ZNF267: variants seen among roughly 807,000 people sequenced by gnomAD.
The protein encoded by ZNF267 is zinc finger protein 267.
Under a neutral mutation model 71.6 loss-of-function variants are expected in ZNF267, and 61 were observed. The observed-to-expected ratio is 0.85, with a 90% CI of 0.69 to 1.05. The LOEUF is 1.05. Among genes scored for constraint, ZNF267 ranks in the 50% least tolerant of loss-of-function variants. The probability of loss-of-function intolerance (pLI) is 0.00; values close to 1 mark genes in which losing one functional copy is unlikely to be tolerated. For missense variants in ZNF267, 852 were observed against 870.0 expected (o/e 0.98, Z 0.26); for synonymous variants, 288 against 293.2 (o/e 0.98, Z 0.18).
At chr16:31,902,547 T>C (rs1005721991) in intron 3 of ZNF267, among the ~76,000 whole-genome samples, 3 of 151,814 alleles carry the variant, frequency 2.0e-5, no homozygotes, top group African/African-American at 7.2e-5. Flanking sequence ...TTATTCTCTT[T>C]GAAGCAATTG....
At chr16:31,881,534 T>C (rs184501224) in intron 1 of ZNF267, among the ~76,000 whole-genome samples, 147 of 152,306 alleles carry the variant, frequency 9.7e-4, no homozygotes, top group Admixed American at 7.5e-3. Flanking sequence ...TTTTTTCTTA[T>C]TGAAACCAGT....
At chr16:31,900,193 C>A (rs984289950) in intron 3 of ZNF267, among the ~76,000 whole-genome samples, 1 of 151,398 alleles carries the variant, frequency 6.6e-6, no homozygotes, top group African/African-American at 2.4e-5. Flanking sequence ...GTCACACACA[C>A]GAGAAAGTGT....
In ZNF267 at chr16:31,914,559, G is replaced by C. The variant is rs766794294; in HGVS notation, c.310G>C (p.Gly104Arg). Reference sequence around the variant, plus strand: ...CCAAAAAGTGATATCGAGGAGACATGGGAGCTGTGATCTTGAGAATTTACA... The same window carrying C: ...CCAAAAAGTGATATCGAGGAGACATCGGAGCTGTGATCTTGAGAATTTACA... The part of the protein sequence containing the change: ...SFQKVISRRH[G>R]SCDLENLHLR... Residue 104 changes from glycine to arginine, a missense_variant, in exon 4 of 4, where the codon GGG (glycine) becomes CGG (arginine). Transcript: ENST00000300870. 1 of 1,614,162 alleles carries C rather than the reference G, an allele frequency of 6.2e-7. No individual in the cohort carries two copies. Among genetic ancestry groups the C allele is most frequent in the Non-Finnish European group, 8.5e-7 (1 of 1,180,018 alleles).
intron 1 of ZNF267, among the ~76,000 whole-genome samples, chr16:31,881,086 T>A (rs1339019067): frequency 6.6e-6 from 1 of 152,030 alleles, no homozygotes; most frequent in Non-Finnish European, 1.5e-5. Context: ...TTATTTATAT[T>A]GATTTTTTCT....
Position 31,916,272 on chromosome 16 carries a change from C to T in ZNF267, c.2023C>T (p.Leu675Phe). The part of the protein sequence containing the change: ...CGKAFNSRSY[L>F]TTHRRRHTGE... ...CAAAGCCTTCAACTCTAGGTCATACCTCACTACACATCGGAGAAGACATAC... is the reference window on the plus strand; with the variant it reads ...CAAAGCCTTCAACTCTAGGTCATACTTCACTACACATCGGAGAAGACATAC... The change falls in exon 4 of 4, where the codon CTC becomes TTC. Residue 675 changes from leucine (L) to phenylalanine (F), a missense_variant. Coordinates refer to ENST00000300870, the MANE Select transcript of ZNF267 (RefSeq NM_003414.6). The T allele has an allele frequency of 2.5e-6, 4 of 1,614,046 alleles. No homozygotes were observed. The highest frequency in any genetic ancestry group is 1.1e-5 in the South Asian group (1 of 91,062).
chr16:31,887,890 A>AT (rs1596617604), intron 3 of ZNF267, among the ~76,000 whole-genome samples: 1 of 151,858 alleles, frequency 6.6e-6, no homozygotes, highest in Admixed American at 6.6e-5. Context: ...AAGTTTTATA[A>AT]TTTTTTCTAT....
chr16:31,881,629 TAAAGATATA>T lies in ZNF267; in HGVS notation c.4-2866_4-2858del, dbSNP rs574979198. ...TTCACAAGTTGTCACAAAGTCAGTA[TAAAGATATA>T]AAGAGAATAATGAGAAATTCTTTTT... On this transcript the variant is annotated intron_variant, in intron 1 of 3. Coordinates refer to ENST00000300870, the MANE Select transcript of ZNF267 (RefSeq NM_003414.6). Among the ~76,000 whole-genome samples the T allele has an allele frequency of 7.2e-5, 11 of 152,002 alleles. No individual in the cohort carries two copies. The East Asian group carries it at 1.9e-3, about 27-fold the overall frequency.
At chr16:31,885,885 G>A (rs1434917633) in intron 3 of ZNF267, among the ~76,000 whole-genome samples, 1 of 151,974 alleles carries the variant, frequency 6.6e-6, no homozygotes, top group Non-Finnish European at 1.5e-5. Flanking sequence ...AAACTCTATA[G>A]GCACAAATTC....
chr16:31,875,236 G>A, intron 1 of ZNF267: 1 of 1,289,190 alleles, frequency 7.8e-7, no homozygotes, highest in Non-Finnish European at 1.0e-6. Flanking sequence ...GCCCACAGTG[G>A]CCATGTCTCC....
chr16:31,875,549 A>G (rs1299836252), intron 1 of ZNF267, among the ~76,000 whole-genome samples: 1 of 152,198 alleles, frequency 6.6e-6, no homozygotes, highest in Non-Finnish European at 1.5e-5. Context: ...AAAAACTCCC[A>G]AAGGACCAAA....
chr16:31,903,539 T>G (rs1223075416), intron 3 of ZNF267, among the ~76,000 whole-genome samples: 1 of 152,216 alleles, frequency 6.6e-6, no homozygotes, highest in Non-Finnish European at 1.5e-5. Flanking sequence ...TTGAGGAACT[T>G]ATCGATTTCT....
intron 3 of ZNF267, among the ~76,000 whole-genome samples, chr16:31,891,241 TA>T (rs2083958438): frequency 6.6e-6 from 1 of 152,200 alleles, no homozygotes; most frequent in Admixed American, 6.5e-5. Context: ...TCACACATTT[TA>T]TTACTGTATA....
At chr16:31,890,137 G>C (rs1262598314) in intron 3 of ZNF267, 1 of 152,026 alleles carries the variant, frequency 6.6e-6, no homozygotes, top group Non-Finnish European at 1.5e-5. Flanking sequence ...TTAGTTTATG[G>C]TGTTATACAG....
chr16:31,890,877 T>C (rs987503654), intron 3 of ZNF267, among the ~76,000 whole-genome samples: 1 of 152,240 alleles, frequency 6.6e-6, no homozygotes, highest in Non-Finnish European at 1.5e-5. Context: ...GGCTATTAAA[T>C]TTTATCCTAA....
chr16:31,889,077 A>T (rs1286854651), intron 3 of ZNF267, among the ~76,000 whole-genome samples: 1 of 150,070 alleles, frequency 6.7e-6, no homozygotes, highest in Non-Finnish European at 1.5e-5. Context: ...TTGTTATGTA[A>T]TTGTTCATAA....
At position 31,885,115 on chromosome 16, in the gene ZNF267, A is replaced by AAAAATAT. The variant is rs555710062; in HGVS notation, c.131-43_131-42insATATAAA. The AAAAATAT allele has an allele frequency of 6.7e-5, 99 of 1,484,470 alleles. No individual in the cohort carries two copies. The East Asian group carries it at 2.0e-3, about 30-fold the overall frequency. 92.0% of individuals were successfully genotyped at this position (1,484,470 alleles called of 1,614,324 possible). ...AAAAAAAGTATAAAAATAAAAAATA[A>AAAAATAT]AAAGAACCCTCATTAAGAGTCATGT... On this transcript the variant is annotated intron_variant, in intron 2 of 3. Transcript: ENST00000300870.
intron 3 of ZNF267, among the ~76,000 whole-genome samples, chr16:31,905,516 T>C (rs918144711): frequency 4.6e-5 from 7 of 152,122 alleles, no homozygotes; most frequent in African/African-American, 1.7e-4. Flanking sequence ...AACTTCTCTT[T>C]TCGCTTCATT....
At chr16:31,904,593 A>G (rs1315580711) in intron 3 of ZNF267, among the ~76,000 whole-genome samples, 2 of 152,180 alleles carry the variant, frequency 1.3e-5, no homozygotes, top group East Asian at 1.9e-4. Context: ...GTTTTATCAG[A>G]GACTAGGATT....
chr16:31,911,442 A>G (rs1567238788), intron 3 of ZNF267, among the ~76,000 whole-genome samples: 1 of 151,512 alleles, frequency 6.6e-6, no homozygotes, highest in Non-Finnish European at 1.5e-5. Context: ...CACAGTTTTT[A>G]TCTTGAAATA....
Sources: gnomAD v4.1 joint callset for allele counts (sites outside exome capture counted in the v4.1 genomes callset) on GRCh38, gnomAD v4.1.1 for gene constraint, MANE v1.5 for transcripts, NCBI Gene and HGNC (gene_info 2026-07-23, HGNC 2026-07-21) for gene names.